Variants in ZNG1C observed in about 807,000 individuals in gnomAD.
The protein encoded by ZNG1C is zinc-regulated GTPase metalloprotein activator 1C.
the ZNG1C span, among the ~76,000 whole-genome samples, chr9:68,264,874 A>G: frequency 1.4e-5 from 1 of 69,682 alleles, no homozygotes; most frequent in Non-Finnish European, 2.8e-5. Context: ...AATAATTATT[A>G]TTATTATTTT....
the ZNG1C span, among the ~76,000 whole-genome samples, chr9:68,287,581 C>T: frequency 6.6e-6 from 1 of 152,296 alleles, no homozygotes; most frequent in Non-Finnish European, 1.5e-5. Flanking sequence ...TAGGAAATTT[C>T]AAACGTGCAT....
chr9:68,287,439 CAG>C, the ZNG1C span, among the ~76,000 whole-genome samples: 1 of 151,876 alleles, frequency 6.6e-6, no homozygotes, highest in Non-Finnish European at 1.5e-5. Context: ...AAAGAATAAA[CAG>C]AATAGTAAAG....
chr9:68,256,523 A>T, the ZNG1C span, among the ~76,000 whole-genome samples: 1,053 of 99,598 alleles, frequency 0.011, 1 homozygote, highest in East Asian at 0.038. Flanking sequence ...GTGATAATTC[A>T]CTATTTATGA....
chr9:68,299,294 G>C, the ZNG1C span: 26 of 1,195,680 alleles, frequency 2.2e-5, no homozygotes, highest in Non-Finnish European at 3.0e-5. Context: ...TTAGAAAAGT[G>C]GTTAATCCAA....
chr9:68,257,230 G>T, the ZNG1C span, among the ~76,000 whole-genome samples: 1 of 133,206 alleles, frequency 7.5e-6, no homozygotes, highest in Non-Finnish European at 1.6e-5. Context: ...TAGAGACGGG[G>T]TTTCGCCATG....
chr9:68,276,451 G>C, the ZNG1C span, among the ~76,000 whole-genome samples: 83 of 115,712 alleles, frequency 7.2e-4, no homozygotes, highest in African/African-American at 2.5e-3. Context: ...GAACGTTTAA[G>C]TCTTTAATCC....
At chr9:68,264,821 T>TTATATATATATATATATA in the ZNG1C span, among the ~76,000 whole-genome samples, 1 of 24,930 alleles carries the variant, frequency 4.0e-5, no homozygotes, top group African/African-American at 1.5e-4. Flanking sequence ...GGATTGAAGA[T>TTATATATATATATATATA]TATATATATA....
At chr9:68,267,095 G>A in the ZNG1C span, among the ~76,000 whole-genome samples, 7 of 151,630 alleles carry the variant, frequency 4.6e-5, no homozygotes, top group South Asian at 2.1e-4. Flanking sequence ...AGAGACATTC[G>A]GTAGCTATTA....
At chr9:68,249,038 G>C in the ZNG1C span, 1 of 472,424 alleles carries the variant, frequency 2.1e-6, no homozygotes, top group South Asian at 2.5e-5. Flanking sequence ...AAGAGGAAAA[G>C]TACTCGTTTG....
chr9:68,247,469 C>T, the ZNG1C span: 4 of 1,535,498 alleles, frequency 2.6e-6, no homozygotes, highest in Non-Finnish European at 3.5e-6. Flanking sequence ...ATTTAGGTAT[C>T]AAGGCTGCAT....
chr9:68,290,751 TA>T, the ZNG1C span, among the ~76,000 whole-genome samples: 1 of 141,892 alleles, frequency 7.0e-6, no homozygotes, highest in South Asian at 2.3e-4. Flanking sequence ...TGTATATTTT[TA>T]TGTGGACTTT....
chr9:68,248,878 C>G, the ZNG1C span: 1 of 451,424 alleles, frequency 2.2e-6, no homozygotes, highest in Non-Finnish European at 4.0e-6. Context: ...TGTTAGAGAC[C>G]ACTGGATTAG....
At chr9:68,289,795 G>C in the ZNG1C span, among the ~76,000 whole-genome samples, 11 of 143,730 alleles carry the variant, frequency 7.7e-5, no homozygotes, top group African/African-American at 1.3e-4. Flanking sequence ...GTTTCTTTCT[G>C]TGTCAGCATA....
chr9:68,256,083 T>A, the ZNG1C span, among the ~76,000 whole-genome samples: 1 of 152,292 alleles, frequency 6.6e-6, no homozygotes, highest in African/African-American at 2.4e-5. Flanking sequence ...CACAGAGTGA[T>A]GCTTGGGGGA....
the ZNG1C span, chr9:68,299,983 A>G: frequency 6.5e-6 from 1 of 153,554 alleles, no homozygotes; most frequent in Non-Finnish European, 1.5e-5. Context: ...TCACCATTTT[A>G]TGACATGAAA....
the ZNG1C span, among the ~76,000 whole-genome samples, chr9:68,287,841 G>GT: frequency 1.3e-5 from 2 of 149,928 alleles, no homozygotes; most frequent in Non-Finnish European, 3.0e-5. Flanking sequence ...GATCTGAGGT[G>GT]TAAGGGAGGA....
the ZNG1C span, chr9:68,299,194 T>C: frequency 1.3e-6 from 2 of 1,510,924 alleles, no homozygotes; most frequent in South Asian, 1.3e-5. Flanking sequence ...GGTCCTCTTT[T>C]AAAACTAAAT....
At chr9:68,247,611 A>C in the ZNG1C span, 1 of 1,515,924 alleles carries the variant, frequency 6.6e-7, no homozygotes, top group Non-Finnish European at 8.9e-7. Context: ...TATTTATTCT[A>C]GGAAGTGCGC....
chr9:68,293,299 CA>C, the ZNG1C span, among the ~76,000 whole-genome samples: 1 of 152,270 alleles, frequency 6.6e-6, no homozygotes, highest in African/African-American at 2.4e-5. Context: ...ATACAGGCAA[CA>C]AATAGCATGA....
Sources: allele counts gnomAD v4.1 joint callset (sites outside exome capture counted in the v4.1 genomes callset), GRCh38; gene constraint gnomAD v4.1.1; transcripts MANE v1.5; gene names NCBI Gene and HGNC (gene_info 2026-07-23, HGNC 2026-07-21).